SGCZ: variants seen among roughly 807,000 people sequenced by gnomAD.
The protein encoded by SGCZ is zeta-sarcoglycan.
A neutral mutation model predicts 41.3 loss-of-function variants in SGCZ; 40 were observed. The ratio of observed to expected loss-of-function variants is 0.97; its 90% CI spans 0.75 to 1.26. The LOEUF (loss-of-function observed/expected upper bound fraction) is 1.26. Ranked by LOEUF, SGCZ falls within the 50% of genes most tolerant of loss-of-function variation. The pLI is 0.00. For missense variants in SGCZ, 552 were observed against 369.8 expected (o/e 1.49, Z -4.04); for synonymous variants, 206 against 137.5 (o/e 1.50, Z -3.49).
chr8:14,658,361 C>G (rs1807641901), intron 1 of SGCZ, among the ~76,000 whole-genome samples: 1 of 152,142 alleles, frequency 6.6e-6, no homozygotes, highest in East Asian at 1.9e-4. Flanking sequence ...AACTCATGCC[C>G]TTTCATAGTT....
chr8:15,015,617 G>C (rs1009497431), intron 1 of SGCZ, among the ~76,000 whole-genome samples: 4 of 150,102 alleles, frequency 2.7e-5, no homozygotes, highest in African/African-American at 7.4e-5. Context: ...GAACCCGGGA[G>C]GCAGAGCTTG....
chr8:14,617,317 C>T (rs1449261343), intron 1 of SGCZ, among the ~76,000 whole-genome samples: 1 of 152,034 alleles, frequency 6.6e-6, no homozygotes, highest in African/African-American at 2.4e-5. Flanking sequence ...ATAATATGTG[C>T]AACATTAGGG....
chr8:14,181,882 C>A (rs148011416), intron 4 of SGCZ, among the ~76,000 whole-genome samples: 1 of 152,214 alleles, frequency 6.6e-6, no homozygotes, highest in East Asian at 1.9e-4. Flanking sequence ...ACAATTATAG[C>A]CCTGATAAAC....
At chr8:14,253,377 A>G (rs1487383709) in intron 3 of SGCZ, among the ~76,000 whole-genome samples, 1 of 152,090 alleles carries the variant, frequency 6.6e-6, no homozygotes, top group Non-Finnish European at 1.5e-5. Flanking sequence ...AGATAAAAGC[A>G]TAGTGCTTAC....
At chr8:15,034,930 C>T (rs116697814) in intron 1 of SGCZ, among the ~76,000 whole-genome samples, 3,714 of 152,210 alleles carry the variant, frequency 0.024, 137 homozygotes, top group African/African-American at 0.085. Flanking sequence ...TCAGTACCAT[C>T]GGACTTGTCT....
intron 5 of SGCZ, among the ~76,000 whole-genome samples, chr8:14,155,573 T>C (rs1385543830): frequency 6.6e-6 from 1 of 152,140 alleles, no homozygotes; most frequent in African/African-American, 2.4e-5. Flanking sequence ...AATGGTGCTT[T>C]TCTAATCCTA....
At chr8:14,426,431 G>A (rs890901115) in intron 2 of SGCZ, among the ~76,000 whole-genome samples, 1 of 146,566 alleles carries the variant, frequency 6.8e-6, no homozygotes, top group Non-Finnish European at 1.5e-5. Flanking sequence ...TGATGTTGGT[G>A]GTGCAAGTCA....
intron 1 of SGCZ, among the ~76,000 whole-genome samples, chr8:15,143,589 AC>A (rs1404394520): frequency 1.3e-5 from 2 of 152,216 alleles, no homozygotes; most frequent in African/African-American, 2.4e-5. Context: ...ACCATGGCTT[AC>A]AAAAACACAT....
At chr8:14,270,962 C>G (rs4317567) in intron 3 of SGCZ, among the ~76,000 whole-genome samples, 21,823 of 152,086 alleles carry the variant, frequency 0.14, 1,737 homozygotes, top group Admixed American at 0.21. Context: ...AAACCAAACA[C>G]CACATGTTCT....
At chr8:15,208,589 T>A (rs1012626705) in intron 1 of SGCZ, among the ~76,000 whole-genome samples, 1 of 152,174 alleles carries the variant, frequency 6.6e-6, no homozygotes, top group Non-Finnish European at 1.5e-5. Context: ...ATGATAATTA[T>A]CTCACTGAAA....
At chr8:14,979,525 C>T (rs1801592729) in intron 1 of SGCZ, among the ~76,000 whole-genome samples, 1 of 152,148 alleles carries the variant, frequency 6.6e-6, no homozygotes, top group South Asian at 2.1e-4. Flanking sequence ...TTCAGTGTTG[C>T]TTTTTAATGT....
chr8:14,464,877 T>A (rs1013597515), intron 2 of SGCZ, among the ~76,000 whole-genome samples: 1 of 151,628 alleles, frequency 6.6e-6, no homozygotes, highest in Non-Finnish European at 1.5e-5. Context: ...TCCATAAATA[T>A]GTGAATTTTC....
intron 1 of SGCZ, among the ~76,000 whole-genome samples, chr8:15,226,352 C>T (rs1801772572): frequency 6.6e-6 from 1 of 152,162 alleles, no homozygotes; most frequent in African/African-American, 2.4e-5. Flanking sequence ...GATTGTTAAG[C>T]ATAACTCATG....
chr8:14,634,074 A>G (rs1376801202), intron 1 of SGCZ, among the ~76,000 whole-genome samples: 1 of 151,840 alleles, frequency 6.6e-6, no homozygotes, highest in Non-Finnish European at 1.5e-5. Flanking sequence ...GTAATTTCAC[A>G]TTTTATATAA....
At chr8:15,107,843 C>A (rs982486807) in intron 1 of SGCZ, among the ~76,000 whole-genome samples, 1 of 152,150 alleles carries the variant, frequency 6.6e-6, no homozygotes, top group African/African-American at 2.4e-5. Flanking sequence ...CCATAGATCT[C>A]TTCTGAGATC....
intron 1 of SGCZ, among the ~76,000 whole-genome samples, chr8:14,639,250 TCTTA>T (rs1806940140): frequency 6.6e-6 from 1 of 151,598 alleles, no homozygotes; most frequent in South Asian, 2.1e-4. Context: ...AGCAATCCAC[TCTTA>T]CTTACCTTAC....
chr8:15,019,902 T>G (rs926123456), intron 1 of SGCZ, among the ~76,000 whole-genome samples: 2 of 150,382 alleles, frequency 1.3e-5, no homozygotes, highest in African/African-American at 4.9e-5. Flanking sequence ...AGTAGTCTCA[T>G]GCAGATTAGC....
chr8:14,094,630 T>C (rs6999123), intron 7 of SGCZ, among the ~76,000 whole-genome samples: 18,923 of 152,124 alleles, frequency 0.12, 1,395 homozygotes, highest in African/African-American at 0.22. Flanking sequence ...GAATGATTTA[T>C]AATCTTTTGG....
chr8:14,689,437 A>G (rs1024305113), intron 1 of SGCZ, among the ~76,000 whole-genome samples: 1 of 152,188 alleles, frequency 6.6e-6, no homozygotes, highest in Non-Finnish European at 1.5e-5. Flanking sequence ...ACTGTGAGAG[A>G]TTATTTACAT....
Sources: gnomAD v4.1 joint callset for allele counts (sites outside exome capture counted in the v4.1 genomes callset) on GRCh38, gnomAD v4.1.1 for gene constraint, MANE v1.5 for transcripts, NCBI Gene and HGNC (gene_info 2026-07-23, HGNC 2026-07-21) for gene names.